Variants in ZNF93 observed in about 807,000 individuals in gnomAD.
ZNF93 encodes the protein zinc finger protein 505.
Under a neutral mutation model 45.0 loss-of-function variants are expected in ZNF93, and 29 were observed. The observed-to-expected ratio is 0.64, with a 90% confidence interval of 0.48 to 0.88. The LOEUF is 0.88. ZNF93 is among the 40% of genes least tolerant of loss of function. ZNF93 has a pLI of 0.00. For missense variants in ZNF93, 578 were observed against 724.0 expected, an observed-to-expected ratio of 0.80 and a Z score of 2.31; for synonymous variants, 223 against 244.6, an observed-to-expected ratio of 0.91 and a Z score of 0.82.
At chr19:19,914,879 A>C (rs1308430060) in intron 1 of ZNF93, 8 of 316,054 alleles carry the variant, frequency 2.5e-5, no homozygotes, top group Non-Finnish European at 4.8e-5. Flanking sequence ...CTGGGAAAAA[A>C]CCCCCGCATA....
intron 1 of ZNF93, chr19:19,908,325 G>A (rs1157540026): frequency 2.0e-5 from 3 of 152,158 alleles, no homozygotes; most frequent in Non-Finnish European, 4.4e-5. Flanking sequence ...CCATTCAATG[G>A]CTAGAAAATG....
Position 19,916,664 on chromosome 19 carries a change from G to C in ZNF93, c.226+9G>C. ...GGTAGCCAACCCCTCAGGTAGGTGT[G>C]AGTGAAAATGAATACAACAGACAAC... is the stretch of plus-strand genomic sequence containing the variant. On this transcript the variant is annotated intron_variant, in intron 3 of 3. Transcript: ENST00000343769. The C allele has an allele frequency of 6.3e-7, 1 of 1,593,614 alleles. No homozygotes were observed.
intron 3 of ZNF93, among the ~76,000 whole-genome samples, chr19:19,919,717 T>C (rs1027723656): frequency 8.5e-5 from 13 of 152,210 alleles, no homozygotes; most frequent in African/African-American, 3.1e-4. Flanking sequence ...TTGAAGCAAT[T>C]GTGAATGGGA....
In ZNF93 at chr19:19,916,544, A is replaced by G. The variant is rs1464664221; in HGVS notation, c.131-16A>G. The G allele has an allele frequency of 6.2e-7, 1 of 1,603,818 alleles. No homozygotes were observed. The highest frequency in any genetic ancestry group is 1.7e-5 in the Admixed American group (1 of 59,628). On this transcript the variant is annotated splice_polypyrimidine_tract_variant and intron_variant, in intron 2 of 3. Coordinates refer to ENST00000343769, the MANE Select transcript of ZNF93 (RefSeq NM_031218.4). ...AATATGAGCAAGATTCATGTTATTT[A>G]TTCTTAACAAAACAGGTATTGTTGT...
chr19:19,918,486 C>A (rs577889117), intron 3 of ZNF93, among the ~76,000 whole-genome samples: 2 of 152,116 alleles, frequency 1.3e-5, no homozygotes, highest in Non-Finnish European at 1.5e-5. Flanking sequence ...ATGGCTGGGT[C>A]CAATGGTATT....
intron 1 of ZNF93, among the ~76,000 whole-genome samples, chr19:19,912,047 C>T (rs1177392304): frequency 6.6e-6 from 1 of 152,054 alleles, no homozygotes; most frequent in Non-Finnish European, 1.5e-5. Flanking sequence ...CCGCGCTTGG[C>T]CGTATATTTT....
intron 3 of ZNF93, among the ~76,000 whole-genome samples, chr19:19,923,650 A>T (rs368225424): frequency 1.3e-3 from 200 of 152,240 alleles, no homozygotes; most frequent in African/African-American, 4.7e-3. Context: ...CTGGTGCCTT[A>T]AAGTTTGATC....
rs2063388581 is a variant in ZNF93, at chr19:19,934,925, C to G, written c.*107C>G. On this transcript the variant is annotated 3_prime_UTR_variant, in exon 4 of 4. Transcript: ENST00000343769. ...ATCCCAAACTCCTCCCAGGCACAGT[C>G]TGGCAGAGGTCCTGCCATTTCGGAG... 1.6e-6 allele frequency: 2 copies of G among 1,253,954 alleles called. No individual in the cohort carries two copies. The highest frequency in any genetic ancestry group is 1.5e-5 in the South Asian group (1 of 65,224). 77.7% of individuals were successfully genotyped at this position (1,253,954 alleles called of 1,614,324 possible).
At chr19:19,906,648 C>A (rs1485998387) in intron 1 of ZNF93, among the ~76,000 whole-genome samples, 7 of 151,922 alleles carry the variant, frequency 4.6e-5, no homozygotes, top group Non-Finnish European at 1.0e-4. Context: ...TTCAGGGTTT[C>A]TTATAATTTT....
chr19:19,905,109 G>T (rs183058553), intron 1 of ZNF93, among the ~76,000 whole-genome samples: 1 of 150,374 alleles, frequency 6.7e-6, no homozygotes, highest in African/African-American at 2.4e-5. Flanking sequence ...GCCTGCATTC[G>T]CACGGAAACA....
chr19:19,915,532 T>C, intron 2 of ZNF93, 126 bp downstream of exon 2: 2 of 1,325,328 alleles, frequency 1.5e-6, no homozygotes, highest in Non-Finnish European at 2.0e-6. Context: ...TTCCAGAAAA[T>C]CTTCAGAATT....
Position 19,934,649 on chromosome 19 carries a change from A to G in ZNF93, c.1694A>G (p.Tyr565Cys). ...HKILHTGEKP[Y>C]RCRECGKAFN... ...ATACTTCATACTGGAGAGAAACCTT[A>G]TAGATGTAGAGAATGTGGCAAAGCT... Residue 565 changes from tyrosine (Y) to cysteine (C), a missense_variant, in exon 4 of 4, where the codon TAT becomes TGT. This residue lies in a region of ZNF93 where 119 missense variants were observed against 123.1 expected (regional missense o/e 0.97). Coordinates refer to ENST00000343769, the MANE Select transcript of ZNF93 (RefSeq NM_031218.4). 3 of 1,613,784 alleles carry G rather than the reference A, an allele frequency of 1.9e-6. No homozygotes were observed. The highest frequency in any genetic ancestry group is 1.7e-6 in the Non-Finnish European group (2 of 1,179,872).
At chr19:19,904,099 G>A (rs1187941619) in intron 1 of ZNF93, among the ~76,000 whole-genome samples, 2 of 146,068 alleles carry the variant, frequency 1.4e-5, no homozygotes, top group African/African-American at 2.6e-5. Flanking sequence ...TTTGACCACC[G>A]AAGACAAATA....
Position 19,902,309 on chromosome 19 carries a change from A to C in ZNF93, c.3+1218A>C, listed in dbSNP as rs529832047. 5.3e-5 allele frequency among the ~76,000 whole-genome samples: 8 copies of C among 151,868 alleles called. No homozygotes were observed. The South Asian group carries it at 1.7e-3, about 32-fold the overall frequency. ...CGTTTTGCTCTTGTTGCCCAGGTGGAGTACAGTGGCGCAATCATGGCTCAC... is the reference window on the plus strand; with the variant it reads ...CGTTTTGCTCTTGTTGCCCAGGTGGCGTACAGTGGCGCAATCATGGCTCAC... On this transcript the variant is annotated intron_variant, in intron 1 of 3. Coordinates refer to ENST00000343769, the MANE Select transcript of ZNF93 (RefSeq NM_031218.4).
At chr19:19,916,680 A>G in intron 3 of ZNF93, 25 bp downstream of exon 3, 1 of 1,558,988 alleles carries the variant, frequency 6.4e-7, no homozygotes, top group Non-Finnish European at 8.8e-7. Context: ...AAATGAATAC[A>G]ACAGACAACA....
intron 3 of ZNF93, chr19:19,926,237 C>T (rs182816867): frequency 1.8e-4 from 28 of 151,484 alleles, no homozygotes; most frequent in African/African-American, 6.5e-4. Flanking sequence ...TGTCCCCACA[C>T]CCAGCTAAAT....
At chr19:19,930,275 A>G (rs1016237826) in intron 3 of ZNF93, among the ~76,000 whole-genome samples, 1 of 152,092 alleles carries the variant, frequency 6.6e-6, no homozygotes, top group African/African-American at 2.4e-5. Flanking sequence ...TACTTTCACT[A>G]ATTTTGCTAC....
rs1321703832 is a variant in ZNF93, at chr19:19,915,260, T to C, written c.4-20T>C. 1 of 1,581,310 alleles carries C rather than the reference T, an allele frequency of 6.3e-7. No individual in the cohort carries two copies. Among genetic ancestry groups the C allele is most frequent in the Non-Finnish European group, 8.6e-7 (1 of 1,160,076 alleles). Reference sequence around the variant, plus strand: ...TCCACCCATGGCCACTTGGTGAAAATGTGTGTGTGTGTTTTTCAGGGACCA... The same window carrying C: ...TCCACCCATGGCCACTTGGTGAAAACGTGTGTGTGTGTTTTTCAGGGACCA... On this transcript the variant is annotated intron_variant, in intron 1 of 3. Transcript: ENST00000343769.
intron 1 of ZNF93, among the ~76,000 whole-genome samples, chr19:19,906,004 TATA>T (rs1463257439): frequency 1.3e-5 from 2 of 152,232 alleles, no homozygotes; most frequent in African/African-American, 4.8e-5. Context: ...GTCTTTATAA[TATA>T]ATAATTTATA....
Sources: allele counts gnomAD v4.1 joint callset (sites outside exome capture counted in the v4.1 genomes callset), GRCh38; gene constraint gnomAD v4.1.1; regional missense constraint gnomAD v4.1.1; transcripts MANE v1.5; gene names NCBI Gene and HGNC (gene_info 2026-07-23, HGNC 2026-07-21).